The following PLA2G4A variants were observed in gnomAD, a reference collection of about 807,000 sequenced individuals.
PLA2G4A encodes the protein cytosolic phospholipase A2.
A neutral mutation model predicts 81.9 loss-of-function variants in PLA2G4A; 40 were observed. The observed-to-expected ratio is 0.49, with a 90% CI of 0.38 to 0.64. The LOEUF (loss-of-function observed/expected upper bound fraction) is 0.64, where lower values mean the gene tolerates loss of function less well. Ranked by LOEUF, PLA2G4A falls within the 30% of genes least tolerant of loss-of-function variation. The pLI, the probability that PLA2G4A is intolerant of heterozygous loss-of-function variation, is 0.00. For missense variants in PLA2G4A, 715 were observed against 905.1 expected, an observed-to-expected ratio of 0.79 and a Z score of 2.69; for synonymous variants, 302 against 296.9, an observed-to-expected ratio of 1.02 and a Z score of -0.18.
At chr1:186,863,777 T>TTTTTG (rs759104881) in intron 2 of PLA2G4A, among the ~76,000 whole-genome samples, 1 of 148,328 alleles carries the variant, frequency 6.7e-6, no homozygotes, top group African/African-American at 2.5e-5. Context: ...TTTTTTTTTT[T>TTTTTG]GGGGACAGAG....
In PLA2G4A at chr1:186,911,306, C is replaced by T; in HGVS notation, c.475C>T (p.Gln159Ter). 1.9e-6 allele frequency: 3 copies of T among 1,609,496 alleles called. No homozygotes were observed. Among genetic ancestry groups the T allele is most frequent in the Non-Finnish European group, 2.6e-6 (3 of 1,175,944 alleles). Residue 159 changes from glutamine to a stop codon, truncating the protein, a stop_gained, in exon 7 of 18, where the codon CAA (glutamine) becomes TAA (stop). Coordinates refer to ENST00000367466, the MANE Select transcript of PLA2G4A (RefSeq NM_024420.3). LOFTEE classifies it high-confidence loss of function. ...ALCDQEKTFRQQRKEHIRESM... is the reference protein window; with the variant it reads ...ALCDQEKTFR The stretch of plus-strand genomic sequence containing the variant: ...GTGTGATCAGGAGAAGACTTTCAGA[C>T]AACAGAGAAAAGAACACATAAGGGA...
At chr1:186,909,514 G>T (rs111525412) in intron 6 of PLA2G4A, among the ~76,000 whole-genome samples, 2 of 151,268 alleles carry the variant, frequency 1.3e-5, no homozygotes, top group African/African-American at 4.8e-5. Context: ...TACAAAATTA[G>T]CCAGGTGTAT....
In PLA2G4A at chr1:186,870,793, A is replaced by G. The variant is rs1439543397; in HGVS notation, c.115+277A>G. ...GCTGTTAAACGTATAATTATGGTTC[A>G]GCCTTTAATTACTTGAGTTCCTTGA... On this transcript the variant is annotated intron_variant, in intron 3 of 17. Transcript: ENST00000367466. 2.4e-6 allele frequency: 3 copies of G among 1,244,426 alleles called. 1 individual carries two copies. The South Asian group carries it at 3.8e-5, about 16-fold the overall frequency. 77.1% of individuals were successfully genotyped at this position (1,244,426 alleles called of 1,614,324 possible).
chr1:186,979,595 C>T (rs1657650462), intron 17 of PLA2G4A, 123 bp downstream of exon 17: 1 of 690,318 alleles, frequency 1.4e-6, no homozygotes. Context: ...CCAAAATATG[C>T]CACTTTACTT....
chr1:186,903,631 T>C (rs1275042169), intron 5 of PLA2G4A, among the ~76,000 whole-genome samples: 2 of 152,184 alleles, frequency 1.3e-5, no homozygotes, highest in Non-Finnish European at 2.9e-5. Flanking sequence ...GAACTACAAG[T>C]GTGAAGGATC....
Position 186,988,499 on chromosome 1 carries a change from C to T in PLA2G4A, c.2241C>T (p.Pro747=), listed in dbSNP as rs753065112. The T allele has an allele frequency of 3.2e-5, 52 of 1,611,284 alleles. No homozygotes were observed. Among genetic ancestry groups the T allele is most frequent in the Middle Eastern group, 3.3e-4 (2 of 6,068 alleles). The part of the protein sequence containing the change: ...RFFNKEFLSK[P]KA ...TCAACAAGGAGTTTCTAAGTAAACC[C>T]AAAGCATAGTTCATGTACTGGAAAT... Residue 747 remains proline, a synonymous_variant, in exon 18 of 18, where the codon CCC becomes CCT. Coordinates refer to ENST00000367466, the MANE Select transcript of PLA2G4A (RefSeq NM_024420.3).
At chr1:186,934,499 T>A (rs1655870457) in intron 8 of PLA2G4A, among the ~76,000 whole-genome samples, 1 of 118,450 alleles carries the variant, frequency 8.4e-6, no homozygotes, top group African/African-American at 4.2e-5. Context: ...GGATTTTAAA[T>A]GTGCACATAT....
intron 5 of PLA2G4A, among the ~76,000 whole-genome samples, chr1:186,898,903 TATTCATTAATTC>T (rs1488305611): frequency 6.6e-6 from 1 of 152,190 alleles, no homozygotes; most frequent in Non-Finnish European, 1.5e-5. Context: ...AGAAATTATT[TATTCATTAATTC>T]ATTCATTTGA....
At chr1:186,866,649 A>C (rs1197412754) in intron 2 of PLA2G4A, among the ~76,000 whole-genome samples, 1 of 152,176 alleles carries the variant, frequency 6.6e-6, no homozygotes, top group Non-Finnish European at 1.5e-5. Flanking sequence ...TCAAATATTA[A>C]ATAATGGATA....
chr1:186,835,548 A>C (rs531837654), intron 1 of PLA2G4A, among the ~76,000 whole-genome samples: 6 of 152,298 alleles, frequency 3.9e-5, no homozygotes, highest in African/African-American at 1.2e-4. Flanking sequence ...CTTAATATCC[A>C]TTAGCCACTG....
intron 1 of PLA2G4A, among the ~76,000 whole-genome samples, chr1:186,837,635 G>C (rs1286374338): frequency 1.3e-5 from 2 of 149,950 alleles, no homozygotes; most frequent in African/African-American, 4.9e-5. Context: ...TACTTGGAAG[G>C]CTGAGGCAGG....
At chr1:186,858,138 G>C (rs943824407) in intron 2 of PLA2G4A, among the ~76,000 whole-genome samples, 2 of 151,986 alleles carry the variant, frequency 1.3e-5, no homozygotes, top group Admixed American at 1.3e-4. Flanking sequence ...GGGATTGCTG[G>C]GCCAAATGGT....
intron 5 of PLA2G4A, among the ~76,000 whole-genome samples, chr1:186,897,858 T>C (rs769098901): frequency 1.3e-5 from 2 of 152,204 alleles, no homozygotes; most frequent in Non-Finnish European, 2.9e-5. Flanking sequence ...AGGTTTGTTA[T>C]ATGGGTATGT....
At chr1:186,856,219 C>T (rs1652545799) in intron 2 of PLA2G4A, among the ~76,000 whole-genome samples, 1 of 151,972 alleles carries the variant, frequency 6.6e-6, no homozygotes, top group Non-Finnish European at 1.5e-5. Flanking sequence ...ATCTCATCCA[C>T]AACTAAACGT....
chr1:186,837,563 A>G (rs1651825589), intron 1 of PLA2G4A, among the ~76,000 whole-genome samples: 1 of 143,674 alleles, frequency 7.0e-6, no homozygotes, highest in Admixed American at 6.7e-5. Context: ...CCCCATCTGT[A>G]CTAAAAAAAA....
chr1:186,874,247 A>C (rs988904034), intron 3 of PLA2G4A, among the ~76,000 whole-genome samples: 1 of 152,066 alleles, frequency 6.6e-6, no homozygotes, highest in African/African-American at 2.4e-5. Flanking sequence ...TAGTATTTCA[A>C]TTGGTCATAG....
At chr1:186,949,890 G>A (rs1656495243) in intron 12 of PLA2G4A, among the ~76,000 whole-genome samples, 1 of 151,722 alleles carries the variant, frequency 6.6e-6, no homozygotes, top group South Asian at 2.1e-4. Flanking sequence ...AAAAAAATTA[G>A]CCAAGCATGA....
At chr1:186,966,524 A>C (rs150246505) in intron 15 of PLA2G4A, among the ~76,000 whole-genome samples, 7 of 152,304 alleles carry the variant, frequency 4.6e-5, no homozygotes, top group Non-Finnish European at 1.0e-4. Flanking sequence ...ATTAGGAGTC[A>C]AGGTTAACTT....
chr1:186,904,486 C>T (rs1654664651), intron 5 of PLA2G4A, among the ~76,000 whole-genome samples: 1 of 152,196 alleles, frequency 6.6e-6, no homozygotes, highest in African/African-American at 2.4e-5. Context: ...TTATAAATAT[C>T]AAGCTTATCA....
Sources: gnomAD v4.1 joint callset for allele counts (sites outside exome capture counted in the v4.1 genomes callset) on GRCh38, gnomAD v4.1.1 for gene constraint, MANE v1.5 for transcripts, NCBI Gene and HGNC (gene_info 2026-07-23, HGNC 2026-07-21) for gene names.